Variants in ARL15 observed in about 807,000 individuals in gnomAD.
ARL15 encodes the protein ARF like GTPase 15.
ARL15 carries 19 observed loss-of-function variants against 25.2 expected under a neutral mutation model. That is an observed-to-expected ratio of 0.75 (90% CI 0.53 to 1.10). ARL15 has a LOEUF of 1.10. Ranked by LOEUF, ARL15 falls within the 50% of genes least tolerant of loss-of-function variation. ARL15 has a pLI of 0.00. For missense variants in ARL15, 220 were observed against 246.0 expected (o/e 0.89, Z 0.71); for synonymous variants, 94 against 86.8 (o/e 1.08, Z -0.46).
intron 1 of ARL15, among the ~76,000 whole-genome samples, chr5:54,220,287 G>A (rs141473253): frequency 3.3e-5 from 5 of 152,142 alleles, no homozygotes; most frequent in African/African-American, 1.2e-4. Context: ...GCATATGAAC[G>A]TGATTTATTT....
intron 4 of ARL15, among the ~76,000 whole-genome samples, chr5:53,985,829 G>A (rs1748280211): frequency 6.6e-6 from 1 of 152,118 alleles, no homozygotes; most frequent in Admixed American, 6.6e-5. Flanking sequence ...CACAAAAGTA[G>A]AGCAACCGAC....
At chr5:54,178,713 T>C (rs1393011351) in intron 1 of ARL15, among the ~76,000 whole-genome samples, 1 of 152,232 alleles carries the variant, frequency 6.6e-6, no homozygotes, top group African/African-American at 2.4e-5. Context: ...AGAAGTGTTT[T>C]CTAACACTAA....
intron 1 of ARL15, among the ~76,000 whole-genome samples, chr5:54,256,430 A>G (rs1757366543): frequency 6.7e-6 from 1 of 149,816 alleles, no homozygotes; most frequent in Non-Finnish European, 1.5e-5. Context: ...AAAAAAAAAA[A>G]AAAGCCAACA....
At chr5:54,302,795 C>A (rs1309847700) in intron 1 of ARL15, among the ~76,000 whole-genome samples, 1 of 144,202 alleles carries the variant, frequency 6.9e-6, no homozygotes, top group African/African-American at 2.6e-5. Flanking sequence ...GCCAGCCCTG[C>A]TAAAAGTAGA....
intron 4 of ARL15, among the ~76,000 whole-genome samples, chr5:53,988,653 T>C (rs2068124971): frequency 1.3e-5 from 2 of 152,158 alleles, no homozygotes; most frequent in African/African-American, 4.8e-5. Context: ...CAAAAGACAA[T>C]TTTACAGCAT....
chr5:54,304,300 G>T (rs1237637909), intron 1 of ARL15, among the ~76,000 whole-genome samples: 2 of 152,226 alleles, frequency 1.3e-5, no homozygotes, highest in Admixed American at 6.5e-5. Context: ...CAACCTCCCT[G>T]AGCCTCAGTT....
intron 4 of ARL15, among the ~76,000 whole-genome samples, chr5:53,920,229 C>A (rs994725210): frequency 2.0e-5 from 3 of 151,992 alleles, no homozygotes; most frequent in African/African-American, 7.3e-5. Context: ...GGTAGAGTAG[C>A]CCAATTTTAG....
chr5:54,140,133 A>T (rs1454200857), intron 3 of ARL15, among the ~76,000 whole-genome samples: 1 of 152,174 alleles, frequency 6.6e-6, no homozygotes, highest in East Asian at 1.9e-4. Flanking sequence ...TAGTCTGACA[A>T]CTAAGCGTCC....
chr5:54,039,581 C>T (rs1176765577), intron 4 of ARL15, among the ~76,000 whole-genome samples: 1 of 151,920 alleles, frequency 6.6e-6, no homozygotes, highest in Non-Finnish European at 1.5e-5. Flanking sequence ...AGGTGGTTCA[C>T]TTGAGGTTAG....
At chr5:54,014,770 C>T (rs1749358943) in intron 4 of ARL15, among the ~76,000 whole-genome samples, 1 of 151,966 alleles carries the variant, frequency 6.6e-6, no homozygotes, top group Non-Finnish European at 1.5e-5. Context: ...AGGTGATCCA[C>T]CCGCCTCGGC....
chr5:54,032,425 G>A (rs1338393928), intron 4 of ARL15, among the ~76,000 whole-genome samples: 2 of 152,042 alleles, frequency 1.3e-5, no homozygotes, highest in Non-Finnish European at 2.9e-5. Context: ...AGCACAGACA[G>A]GGTTTCATCA....
At chr5:53,939,915 C>G (rs549217919) in intron 4 of ARL15, among the ~76,000 whole-genome samples, 1 of 83,524 alleles carries the variant, frequency 1.2e-5, no homozygotes, top group South Asian at 3.2e-4. Context: ...CCAGAAAAAA[C>G]AACAACAACA....
rs531338841 is a variant in ARL15 at position 54,124,661 on chromosome 5, A to AG, written c.254-11252_254-11251insC. Among the ~76,000 whole-genome samples, 413 of 152,366 alleles carry AG rather than the reference A, an allele frequency of 2.7e-3. 2 individuals carry two copies. The highest frequency in any genetic ancestry group is 8.4e-3 in the Admixed American group (129 of 15,308). ...CACCATTGTTAATAATAGATATATA[A>AG]AAAACTTTAGAATGACCCATATTTT... On this transcript the variant is annotated intron_variant, in intron 3 of 4. Coordinates refer to ENST00000504924, the MANE Select transcript of ARL15 (RefSeq NM_019087.3).
At chr5:54,165,540 T>C (rs957298224) in intron 2 of ARL15, among the ~76,000 whole-genome samples, 77 of 152,016 alleles carry the variant, frequency 5.1e-4, no homozygotes, top group African/African-American at 1.7e-3. Flanking sequence ...GTCTTCTTAC[T>C]TGCATTTTTC....
At chr5:54,106,144 T>C (rs1312131093) in intron 4 of ARL15, among the ~76,000 whole-genome samples, 4 of 152,156 alleles carry the variant, frequency 2.6e-5, no homozygotes, top group African/African-American at 9.7e-5. Flanking sequence ...AAACATAAAA[T>C]CAAACATTTG....
At chr5:53,937,479 T>C (rs1307941561) in intron 4 of ARL15, among the ~76,000 whole-genome samples, 1 of 152,202 alleles carries the variant, frequency 6.6e-6, no homozygotes, top group African/African-American at 2.4e-5. Context: ...ACGTGTAGCA[T>C]AACAACATTT....
chr5:54,045,716 G>A (rs1750487012), intron 4 of ARL15, among the ~76,000 whole-genome samples: 1 of 151,998 alleles, frequency 6.6e-6, no homozygotes, highest in South Asian at 2.1e-4. Context: ...AGAGAGAGTG[G>A]GGCAGAGCTT....
chr5:54,296,191 G>C (rs1419722318), intron 1 of ARL15, among the ~76,000 whole-genome samples: 2 of 152,194 alleles, frequency 1.3e-5, no homozygotes, highest in Non-Finnish European at 1.5e-5. Flanking sequence ...GGCAGAGGCA[G>C]GGAGATTTTT....
At chr5:54,148,335 A>C (rs1159488246) in intron 3 of ARL15, among the ~76,000 whole-genome samples, 1 of 152,200 alleles carries the variant, frequency 6.6e-6, no homozygotes, top group Non-Finnish European at 1.5e-5. Context: ...GCAAACAAAG[A>C]AACAGGACAG....
Sources: allele counts gnomAD v4.1 joint callset (sites outside exome capture counted in the v4.1 genomes callset), GRCh38; gene constraint gnomAD v4.1.1; transcripts MANE v1.5; gene names NCBI Gene and HGNC (gene_info 2026-07-23, HGNC 2026-07-21).